CATSPERB: variants seen among roughly 807,000 people sequenced by gnomAD.
CATSPERB encodes cation channel sperm-associated auxiliary subunit beta.
A neutral mutation model predicts 128.3 loss-of-function variants in CATSPERB; 93 were observed. The ratio of observed to expected loss-of-function variants is 0.72; its 90% CI spans 0.61 to 0.86. CATSPERB has a LOEUF of 0.86. CATSPERB is among the 40% of genes least tolerant of loss of function. The pLI, the probability that CATSPERB is intolerant of heterozygous loss-of-function variation, is 0.00. For missense variants in CATSPERB, 1,153 were observed against 1,329.5 expected, an observed-to-expected ratio of 0.87 and a Z score of 2.06; for synonymous variants, 381 against 448.8, an observed-to-expected ratio of 0.85 and a Z score of 1.91.
At chr14:91,627,055 T>C (rs915572993) in intron 17 of CATSPERB, among the ~76,000 whole-genome samples, 1 of 152,256 alleles carries the variant, frequency 6.6e-6, no homozygotes, top group African/African-American at 2.4e-5. Context: ...TCGACCTCAT[T>C]TGTAATAGAA....
At chr14:91,609,887 ATTTTTGTAT>A (rs1893791090) in intron 21 of CATSPERB, among the ~76,000 whole-genome samples, 2 of 152,174 alleles carry the variant, frequency 1.3e-5, no homozygotes, top group African/African-American at 4.8e-5. Context: ...TGCCGGGCTA[ATTTTTGTAT>A]TTTTTGTAGA....
At chr14:91,592,317 G>A (rs1261148541) in intron 22 of CATSPERB, 2 of 353,472 alleles carry the variant, frequency 5.7e-6, no homozygotes, top group East Asian at 1.5e-4. Flanking sequence ...ACTGCTCTTG[G>A]CCCCTGCCAG....
Position 91,608,284 on chromosome 14 carries a change from A to C in CATSPERB, c.2709+10T>G. 6.6e-7 allele frequency: 1 copy of C among 1,525,800 alleles called. No homozygotes were observed. The highest frequency in any genetic ancestry group is 9.1e-7 in the Non-Finnish European group (1 of 1,103,634). 94.5% of individuals were successfully genotyped at this position (1,525,800 alleles called of 1,614,324 possible). ...ATAAGTGCTAGATTATTTGTAAAAAAGTTATTTACCTTTGACATGTGAAAC... is the reference window on the plus strand; with the variant it reads ...ATAAGTGCTAGATTATTTGTAAAAACGTTATTTACCTTTGACATGTGAAAC... On this transcript the variant is annotated intron_variant, in intron 22 of 26. Coordinates refer to ENST00000256343, the MANE Select transcript of CATSPERB (RefSeq NM_024764.4).
At chr14:91,667,313 G>GTTGTAACTAACCTGCACAATGTGCAC (rs1895003416) in intron 14 of CATSPERB, among the ~76,000 whole-genome samples, 1 of 152,214 alleles carries the variant, frequency 6.6e-6, no homozygotes, top group Non-Finnish European at 1.5e-5. Flanking sequence ...AAAGGGGAAG[G>GTTGTAACTAACCTGCACAATGTGCAC]AGAGAGGAGA....
At chr14:91,718,991 A>C (rs915735239) in intron 5 of CATSPERB, among the ~76,000 whole-genome samples, 3 of 152,210 alleles carry the variant, frequency 2.0e-5, no homozygotes, top group African/African-American at 7.2e-5. Flanking sequence ...ATCTAGGTAC[A>C]TACAGTAGCA....
chr14:91,722,870 C>A (rs944857202), intron 4 of CATSPERB, among the ~76,000 whole-genome samples, 179 bp downstream of exon 4: 2 of 152,042 alleles, frequency 1.3e-5, no homozygotes, highest in African/African-American at 4.8e-5. Context: ...ATTTCTTCTT[C>A]TTTAATTTAT....
chr14:91,702,796 A>G (rs1895673991), intron 7 of CATSPERB, among the ~76,000 whole-genome samples: 1 of 151,996 alleles, frequency 6.6e-6, no homozygotes, highest in Non-Finnish European at 1.5e-5. Flanking sequence ...TATTTATAAA[A>G]TAAATCTTTA....
intron 7 of CATSPERB, among the ~76,000 whole-genome samples, chr14:91,698,425 C>T (rs924914233): frequency 3.3e-5 from 5 of 152,072 alleles, no homozygotes; most frequent in Non-Finnish European, 7.4e-5. Flanking sequence ...ACTTCCAGTA[C>T]TGTGTTGAAT....
At chr14:91,647,624 A>G (rs1316950386) in intron 15 of CATSPERB, among the ~76,000 whole-genome samples, 1 of 152,218 alleles carries the variant, frequency 6.6e-6, no homozygotes, top group Non-Finnish European at 1.5e-5. Context: ...CTTACATGGT[A>G]GCAGGCAAGA....
chr14:91,603,247 C>G (rs1893639316), intron 22 of CATSPERB: 6 of 983,442 alleles, frequency 6.1e-6, no homozygotes, highest in Non-Finnish European at 9.9e-6. Flanking sequence ...TCTCTCAACT[C>G]CTGTTTCAAA....
In CATSPERB at chr14:91,588,004, GATT is replaced by G. The variant is rs780855784; in HGVS notation, c.3028_3030del (p.Asn1010del). 1 of 1,610,746 alleles carries G rather than the reference GATT, an allele frequency of 6.2e-7. No homozygotes were observed. Among genetic ancestry groups the G allele is most frequent in the Non-Finnish European group, 8.5e-7 (1 of 1,177,458 alleles). On this transcript the variant is annotated inframe_deletion, in exon 25 of 27. Transcript: ENST00000256343. Reference sequence around the variant, plus strand: ...TTTATGCTTAAGTTGAGACCTGAAGGATTATACACTGCAGCACCAAGAATTGGT... The same window carrying G: ...TTTATGCTTAAGTTGAGACCTGAAGGATACACTGCAGCACCAAGAATTGGT...
intron 5 of CATSPERB, among the ~76,000 whole-genome samples, chr14:91,714,015 T>C (rs1895888009): frequency 6.6e-6 from 1 of 152,142 alleles, no homozygotes; most frequent in Non-Finnish European, 1.5e-5. Flanking sequence ...AAGGAATCAA[T>C]GTAATTTATC....
chr14:91,702,019 CCTA>C (rs1895659890), intron 7 of CATSPERB, among the ~76,000 whole-genome samples: 1 of 151,964 alleles, frequency 6.6e-6, no homozygotes, highest in African/African-American at 2.4e-5. Context: ...GGTGCTTTCA[CCTA>C]AAGAACCTGT....
chr14:91,675,964 C>T (rs1895186531), intron 11 of CATSPERB, among the ~76,000 whole-genome samples: 1 of 152,132 alleles, frequency 6.6e-6, no homozygotes. Context: ...TCGGAAATAC[C>T]TGGGATAAAT....
Position 91,587,477 on chromosome 14 carries a change from C to CTTTTTTTTTTTTTTTTTTTTTTTTTT in CATSPERB, c.3058-227_3058-202dup, listed in dbSNP as rs3029803. ...AAGTGGAGGGATTCAATAGCTGATA[C>CTTTTTTTTTTTTTTTTTTTTTTTTTT]TTTTTTTTTTTTTTTTTTTTTTTTT... On this transcript the variant is annotated intron_variant, in intron 25 of 26. Coordinates refer to ENST00000256343, the MANE Select transcript of CATSPERB (RefSeq NM_024764.4). 4.9e-5 allele frequency among the ~76,000 whole-genome samples: 5 copies of CTTTTTTTTTTTTTTTTTTTTTTTTTT among 101,542 alleles called. 1 individual carries two copies. Among genetic ancestry groups the CTTTTTTTTTTTTTTTTTTTTTTTTTT allele is most frequent in the Non-Finnish European group, 5.9e-5 (3 of 50,622 alleles). The allele number at this position is 101,542 out of a possible 152,430, so 66.6% of individuals were successfully genotyped here.
At chr14:91,603,576 A>G in intron 22 of CATSPERB, 1 of 657,220 alleles carries the variant, frequency 1.5e-6, no homozygotes, top group Non-Finnish European at 2.7e-6. Flanking sequence ...AGAAGCGCGC[A>G]CTGCCCTCAG....
At chr14:91,648,972 C>T (rs1894655603) in intron 15 of CATSPERB, among the ~76,000 whole-genome samples, 3 of 150,460 alleles carry the variant, frequency 2.0e-5, no homozygotes, top group Admixed American at 2.0e-4. Context: ...CTGGCACTTC[C>T]CATTCACCTA....
At chr14:91,656,433 A>T (rs1456001303) in intron 15 of CATSPERB, among the ~76,000 whole-genome samples, 1 of 152,170 alleles carries the variant, frequency 6.6e-6, no homozygotes, top group Non-Finnish European at 1.5e-5. Flanking sequence ...ATGGTAACCT[A>T]GAATTTAAAA....
intron 2 of CATSPERB, 80 bp downstream of exon 2, chr14:91,729,321 A>T (rs1896172652): frequency 1.6e-5 from 9 of 574,036 alleles, no homozygotes; most frequent in Middle Eastern, 4.5e-4. Flanking sequence ...TAAAAGAAAA[A>T]TTTTTTACTG....
Sources: allele counts gnomAD v4.1 joint callset (sites outside exome capture counted in the v4.1 genomes callset), GRCh38; gene constraint gnomAD v4.1.1; transcripts MANE v1.5; gene names NCBI Gene and HGNC (gene_info 2026-07-23, HGNC 2026-07-21).